The following TMEM178B variants were observed in gnomAD, a reference collection of about 807,000 sequenced individuals.
The protein encoded by TMEM178B is transmembrane protein 178B.
In TMEM178B, 5 loss-of-function variants were observed where a neutral mutation model predicts 31.0. The ratio of observed to expected loss-of-function variants is 0.16; its 90% confidence interval spans 0.08 to 0.34. The LOEUF is 0.34. TMEM178B is among the 10% of genes least tolerant of loss of function. The pLI is 1.00. For synonymous variants in TMEM178B, 164 were observed against 164.0 expected (o/e 1.00, Z 0.00); for missense variants, 275 against 400.3 (o/e 0.69, Z 2.67).
the TMEM178B span, among the ~76,000 whole-genome samples, chr7:141,500,279 T>G: frequency 6.6e-6 from 1 of 151,936 alleles, no homozygotes; most frequent in African/African-American, 2.4e-5. Context: ...ATCAGACAGG[T>G]GTACAAGGTG....
intron 2 of TMEM178B, among the ~76,000 whole-genome samples, chr7:141,409,440 G>A (rs550706183): frequency 5.3e-5 from 8 of 152,344 alleles, no homozygotes; most frequent in Admixed American, 3.9e-4. Context: ...TAATCTTTCT[G>A]TGCTGCTGTT....
intron 1 of TMEM178B, among the ~76,000 whole-genome samples, chr7:141,086,084 T>C (rs1419125054): frequency 6.6e-6 from 1 of 152,182 alleles, no homozygotes; most frequent in Non-Finnish European, 1.5e-5. Context: ...TCGCTCAGGC[T>C]GGAGTGCAGT....
intron 2 of TMEM178B, among the ~76,000 whole-genome samples, chr7:141,311,964 C>A (rs369650133): frequency 4.6e-5 from 7 of 152,316 alleles, no homozygotes; most frequent in African/African-American, 1.7e-4. Context: ...TACTGATTAG[C>A]ACCGTTGAAA....
chr7:141,226,782 C>T (rs1045801908), intron 2 of TMEM178B, among the ~76,000 whole-genome samples: 2 of 150,910 alleles, frequency 1.3e-5, no homozygotes, highest in Non-Finnish European at 2.9e-5. Flanking sequence ...TGCTTGAACC[C>T]AGGAGGTGGA....
intron 1 of TMEM178B, 54 bp from the exon 2 acceptor site, chr7:141,212,537 T>C (rs1386034890): frequency 1.4e-6 from 2 of 1,425,928 alleles, no homozygotes; most frequent in East Asian, 2.5e-5. Context: ...CCAGAACTAG[T>C]CCAGATGTGG....
intron 2 of TMEM178B, among the ~76,000 whole-genome samples, chr7:141,433,902 G>A (rs1206146482): frequency 6.6e-6 from 1 of 152,186 alleles, no homozygotes; most frequent in Non-Finnish European, 1.5e-5. Flanking sequence ...AAATACACAG[G>A]CCTGGCCTCT....
chr7:141,320,120 C>G (rs1040934348), intron 2 of TMEM178B, among the ~76,000 whole-genome samples: 1 of 152,038 alleles, frequency 6.6e-6, no homozygotes. Context: ...CCCCTACATG[C>G]TCTCTCTCTC....
chr7:141,405,796 C>T (rs1443806262), intron 2 of TMEM178B, among the ~76,000 whole-genome samples: 1 of 152,212 alleles, frequency 6.6e-6, no homozygotes, highest in Non-Finnish European at 1.5e-5. Flanking sequence ...CCTTGCACTA[C>T]CATGAAAACC....
intron 2 of TMEM178B, among the ~76,000 whole-genome samples, chr7:141,227,979 A>G (rs921021929): frequency 5.3e-5 from 8 of 152,240 alleles, no homozygotes; most frequent in Non-Finnish European, 4.4e-5. Context: ...GTAGGGAAGA[A>G]TTAACTATAT....
chr7:141,412,946 C>T (rs1198650968), intron 2 of TMEM178B, among the ~76,000 whole-genome samples: 1 of 152,234 alleles, frequency 6.6e-6, no homozygotes, highest in Non-Finnish European at 1.5e-5. Context: ...TTTAATTTAA[C>T]AGCATCACTG....
chr7:141,081,807 CAGTAG>C (rs1794691424), intron 1 of TMEM178B, among the ~76,000 whole-genome samples: 1 of 152,186 alleles, frequency 6.6e-6, no homozygotes, highest in Non-Finnish European at 1.5e-5. Context: ...ATAAGGTCTA[CAGTAG>C]TGTACAGTAA....
At chr7:141,443,185 C>T (rs1801692909) in intron 3 of TMEM178B, among the ~76,000 whole-genome samples, 1 of 152,184 alleles carries the variant, frequency 6.6e-6, no homozygotes, top group Non-Finnish European at 1.5e-5. Flanking sequence ...GTAGACTTCC[C>T]ATAGTATCCT....
At chr7:141,399,342 G>T (rs1004488024) in intron 2 of TMEM178B, among the ~76,000 whole-genome samples, 1 of 152,222 alleles carries the variant, frequency 6.6e-6, no homozygotes, top group Non-Finnish European at 1.5e-5. Flanking sequence ...TATTGCTAGC[G>T]TAAGCACTGT....
intron 1 of TMEM178B, among the ~76,000 whole-genome samples, chr7:141,100,051 C>T (rs930330589): frequency 1.3e-5 from 2 of 152,090 alleles, no homozygotes; most frequent in African/African-American, 4.8e-5. Flanking sequence ...GATCTCCTGA[C>T]CTCGTGATCC....
chr7:141,338,149 T>G (rs887861463), intron 2 of TMEM178B, among the ~76,000 whole-genome samples: 1 of 152,210 alleles, frequency 6.6e-6, no homozygotes, highest in Non-Finnish European at 1.5e-5. Flanking sequence ...TTTGATATTT[T>G]TTAAAGCGAA....
At chr7:141,129,617 T>C (rs1586785870) in intron 1 of TMEM178B, among the ~76,000 whole-genome samples, 1 of 152,282 alleles carries the variant, frequency 6.6e-6, no homozygotes, top group African/African-American at 2.4e-5. Context: ...GAACTTCATA[T>C]TGTTGATGAA....
chr7:141,084,056 C>T (rs1208853176), intron 1 of TMEM178B, among the ~76,000 whole-genome samples: 1 of 152,152 alleles, frequency 6.6e-6, no homozygotes. Flanking sequence ...ATGCCTGCCT[C>T]GGCCTCCAAA....
chr7:141,332,027 C>A (rs1419421871), intron 2 of TMEM178B, among the ~76,000 whole-genome samples: 1 of 152,190 alleles, frequency 6.6e-6, no homozygotes, highest in Non-Finnish European at 1.5e-5. Flanking sequence ...ACCTGTACCC[C>A]TCCAGTGAGT....
chr7:141,495,628 T>C, the TMEM178B span, among the ~76,000 whole-genome samples: 1 of 152,286 alleles, frequency 6.6e-6, no homozygotes, highest in Admixed American at 6.5e-5. Flanking sequence ...TACAAAGATA[T>C]TCATTGCAGC....
Sources: allele counts gnomAD v4.1 joint callset (sites outside exome capture counted in the v4.1 genomes callset), GRCh38; gene constraint gnomAD v4.1.1; transcripts MANE v1.5; gene names NCBI Gene and HGNC (gene_info 2026-07-23, HGNC 2026-07-21).